The following OPCML variants were observed in gnomAD, a reference collection of about 807,000 sequenced individuals.
OPCML encodes opioid binding protein/cell adhesion molecule like, also known as opioid-binding protein/cell adhesion molecule.
A neutral mutation model predicts 37.8 loss-of-function variants in OPCML; 13 were observed. The observed-to-expected ratio is 0.34, with a 90% CI of 0.22 to 0.55. The LOEUF (loss-of-function observed/expected upper bound fraction) is 0.55. Among genes scored for constraint, OPCML ranks in the 20% least tolerant of loss-of-function variants. The probability of loss-of-function intolerance (pLI) is 0.91; values close to 1 mark genes in which losing one functional copy is unlikely to be tolerated. For missense variants in OPCML, 341 were observed against 435.6 expected (o/e 0.78, Z 1.93); for synonymous variants, 176 against 168.8 (o/e 1.04, Z -0.33).
chr11:132,703,683 C>A lies in OPCML; in HGVS notation c.147-46364G>T, dbSNP rs573354585. On this transcript the variant is annotated intron_variant, in intron 2 of 7. Coordinates refer to ENST00000524381, the MANE Select transcript of OPCML (RefSeq NM_001012393.5). ...AGAGAGACTGATCTAAAGAGACTGA[C>A]CTGGCACCTGGTCTGCAGAGAGCAT... 3.3e-5 allele frequency among the ~76,000 whole-genome samples: 5 copies of A among 152,292 alleles called. No homozygotes were observed. The Middle Eastern group carries it at 0.01, about 311-fold the overall frequency.
intron 4 of OPCML, among the ~76,000 whole-genome samples, chr11:132,449,291 T>G (rs1241875556): frequency 6.6e-6 from 1 of 152,182 alleles, no homozygotes; most frequent in East Asian, 1.9e-4. Context: ...AAATTAATTC[T>G]TTCCTTTCCT....
intron 1 of OPCML, among the ~76,000 whole-genome samples, chr11:133,352,099 T>C (rs535517631): frequency 2.5e-4 from 38 of 152,340 alleles, no homozygotes; most frequent in African/African-American, 8.2e-4. Context: ...ATTCTTCAAC[T>C]ATCACCGAGG....
chr11:133,480,655 C>G (rs1486018336), intron 1 of OPCML, among the ~76,000 whole-genome samples: 1 of 152,196 alleles, frequency 6.6e-6, no homozygotes, highest in Non-Finnish European at 1.5e-5. Flanking sequence ...TCTTTCTGAC[C>G]CCTTTTCTGT....
At chr11:133,353,344 G>C (rs1024490059) in intron 1 of OPCML, among the ~76,000 whole-genome samples, 2 of 152,072 alleles carry the variant, frequency 1.3e-5, no homozygotes, top group South Asian at 4.2e-4. Context: ...ATTTTTAGTA[G>C]AGATGGGGTT....
At chr11:133,396,485 C>T (rs1022958376) in intron 1 of OPCML, among the ~76,000 whole-genome samples, 3 of 152,100 alleles carry the variant, frequency 2.0e-5, no homozygotes, top group African/African-American at 7.2e-5. Flanking sequence ...GTCCACTTTG[C>T]TATTATCATG....
chr11:133,275,390 G>A (rs1941964719), intron 1 of OPCML, among the ~76,000 whole-genome samples: 1 of 152,050 alleles, frequency 6.6e-6, no homozygotes, highest in African/African-American at 2.4e-5. Context: ...AAAACTAAGG[G>A]TGCATTTTAA....
chr11:132,455,131 T>C (rs901719321), intron 4 of OPCML, among the ~76,000 whole-genome samples: 1 of 152,244 alleles, frequency 6.6e-6, no homozygotes, highest in Non-Finnish European at 1.5e-5. Context: ...CATACCAGCA[T>C]TGCAAAAAGT....
chr11:132,923,818 C>T (rs1446760132), intron 2 of OPCML, among the ~76,000 whole-genome samples: 1 of 129,792 alleles, frequency 7.7e-6, no homozygotes, highest in East Asian at 2.3e-4. Context: ...GGCTGGAGTG[C>T]AATGGAGCAA....
intron 1 of OPCML, among the ~76,000 whole-genome samples, chr11:133,449,408 G>T (rs1946534393): frequency 1.3e-5 from 2 of 152,206 alleles, no homozygotes; most frequent in African/African-American, 4.8e-5. Context: ...AGAGGTAACA[G>T]CAGGCTTTGA....
intron 1 of OPCML, among the ~76,000 whole-genome samples, chr11:133,048,404 T>A (rs907657636): frequency 2.1e-4 from 32 of 152,176 alleles, no homozygotes; most frequent in Non-Finnish European, 4.1e-4. Flanking sequence ...GACTATTGAC[T>A]GCATTAGGAG....
In OPCML at chr11:133,454,612, T is replaced by A. The variant is rs187692023; in HGVS notation, c.61+77652A>T. On this transcript the variant is annotated intron_variant, in intron 1 of 7. Coordinates refer to ENST00000524381, the MANE Select transcript of OPCML (RefSeq NM_001012393.5). The stretch of plus-strand genomic sequence containing the variant: ...CAATTTGTCTTAAATAAGATGCTGA[T>A]CAACCATTATTAATAATTCCAGAGA... Among the ~76,000 whole-genome samples, 302 of 152,258 alleles carry A rather than the reference T, an allele frequency of 2.0e-3. 3 individuals are homozygous for A. Among genetic ancestry groups the A allele is most frequent in the African/African-American group, 6.6e-3 (274 of 41,548 alleles).
chr11:133,278,391 T>C (rs981442716), intron 1 of OPCML, among the ~76,000 whole-genome samples: 2 of 152,210 alleles, frequency 1.3e-5, no homozygotes, highest in Non-Finnish European at 2.9e-5. Flanking sequence ...TAAATCTCTT[T>C]CTTTACAGAT....
chr11:132,439,025 A>G (rs1195196451), intron 4 of OPCML, among the ~76,000 whole-genome samples: 1 of 152,146 alleles, frequency 6.6e-6, no homozygotes, highest in Non-Finnish European at 1.5e-5. Context: ...GCAAATCAGC[A>G]CCGTTCTGTT....
At chr11:133,377,809 C>A (rs1944847414) in intron 1 of OPCML, among the ~76,000 whole-genome samples, 1 of 152,064 alleles carries the variant, frequency 6.6e-6, no homozygotes. Context: ...AGTGCGGGTC[C>A]TGTTTCCCCA....
chr11:133,482,468 C>A (rs1353883177), intron 1 of OPCML, among the ~76,000 whole-genome samples: 1 of 152,098 alleles, frequency 6.6e-6, no homozygotes, highest in South Asian at 2.1e-4. Context: ...GATCTGGGTG[C>A]TGCCTTACAC....
chr11:133,480,007 T>C (rs141384087), intron 1 of OPCML, among the ~76,000 whole-genome samples: 26 of 152,324 alleles, frequency 1.7e-4, no homozygotes, highest in African/African-American at 5.3e-4. Context: ...GGAACGTTTC[T>C]AAAAGGGGCA....
intron 1 of OPCML, among the ~76,000 whole-genome samples, chr11:133,268,196 C>T (rs1339682126): frequency 6.6e-6 from 1 of 152,154 alleles, no homozygotes; most frequent in Non-Finnish European, 1.5e-5. Flanking sequence ...TTCTTACATC[C>T]CACTGACTTT....
intron 1 of OPCML, among the ~76,000 whole-genome samples, chr11:133,100,234 A>G (rs1949066684): frequency 6.6e-6 from 1 of 152,178 alleles, no homozygotes; most frequent in African/African-American, 2.4e-5. Context: ...CGCTACCTGC[A>G]TGATGAAATA....
intron 4 of OPCML, among the ~76,000 whole-genome samples, chr11:132,445,136 G>A (rs368101411): frequency 2.4e-4 from 36 of 152,220 alleles, no homozygotes; most frequent in African/African-American, 5.3e-4. Context: ...CTTCCCTGAG[G>A]CTGACAGTAA....
Sources: gnomAD v4.1 joint callset for allele counts (sites outside exome capture counted in the v4.1 genomes callset) on GRCh38, gnomAD v4.1.1 for gene constraint, MANE v1.5 for transcripts, NCBI Gene and HGNC (gene_info 2026-07-23, HGNC 2026-07-21) for gene names.